The following PKIB variants were observed in gnomAD, a reference collection of about 807,000 sequenced individuals.
PKIB encodes the protein cAMP-dependent protein kinase inhibitor beta.
PKIB carries 2 observed loss-of-function variants against 4.5 expected under a neutral mutation model. That is an observed-to-expected ratio of 0.44 (90% confidence interval 0.18 to 1.39). PKIB has a LOEUF of 1.39. PKIB is among the 40% of genes most tolerant of loss of function. PKIB has a pLI of 0.27. For synonymous variants in PKIB, 38 were observed against 36.0 expected (o/e 1.06, Z -0.20); for missense variants, 94 against 92.6 (o/e 1.02, Z -0.06).
At chr6:122,483,698 T>C (rs1775688417) in intron 2 of PKIB, 1 of 152,174 alleles carries the variant, frequency 6.6e-6, no homozygotes, top group Non-Finnish European at 1.5e-5. Context: ...AAGGCAAATA[T>C]ATGGGAAACT....
At chr6:122,642,078 A>G (rs896730906) in intron 2 of PKIB, among the ~76,000 whole-genome samples, 5 of 152,210 alleles carry the variant, frequency 3.3e-5, no homozygotes, top group Non-Finnish European at 5.9e-5. Context: ...CCTCCCATTG[A>G]ACTGTACGGA....
At chr6:122,648,771 A>C (rs1281881856) in intron 2 of PKIB, among the ~76,000 whole-genome samples, 1 of 152,240 alleles carries the variant, frequency 6.6e-6, no homozygotes, top group Admixed American at 6.5e-5. Context: ...TCATACAATC[A>C]ACCTGTGACC....
chr6:122,664,413 C>T (rs1418588373), intron 2 of PKIB, among the ~76,000 whole-genome samples: 1 of 152,114 alleles, frequency 6.6e-6, no homozygotes, highest in East Asian at 1.9e-4. Flanking sequence ...ATTAAATTTA[C>T]TTATTTATTT....
intron 3 of PKIB, among the ~76,000 whole-genome samples, chr6:122,706,156 C>T (rs575784665): frequency 1.3e-5 from 2 of 152,216 alleles, no homozygotes; most frequent in Admixed American, 1.3e-4. Flanking sequence ...TGGATTCCTC[C>T]CAAATTTTGA....
chr6:122,497,025 C>T (rs1216877910), intron 2 of PKIB, among the ~76,000 whole-genome samples: 1 of 152,158 alleles, frequency 6.6e-6, no homozygotes, highest in Non-Finnish European at 1.5e-5. Flanking sequence ...TAAAAGCAGA[C>T]CTTTCAGCAG....
chr6:122,529,182 G>A (rs1449976239), intron 2 of PKIB, among the ~76,000 whole-genome samples: 3 of 152,050 alleles, frequency 2.0e-5, no homozygotes, highest in Admixed American at 1.3e-4. Context: ...CTGTAATGAT[G>A]TGCTTTGATT....
intron 3 of PKIB, among the ~76,000 whole-genome samples, chr6:122,593,279 A>C (rs2114727851): frequency 6.6e-6 from 1 of 152,332 alleles, no homozygotes; most frequent in East Asian, 1.9e-4. Flanking sequence ...ATCCAGGGGC[A>C]GCGGTAGAAA....
chr6:122,549,974 G>A (rs1772626930), intron 2 of PKIB, among the ~76,000 whole-genome samples: 1 of 151,408 alleles, frequency 6.6e-6, no homozygotes, highest in Non-Finnish European at 1.5e-5. Context: ...GAATGCAGTG[G>A]CACCATCTCA....
At chr6:122,679,038 A>T (rs902067289) in intron 3 of PKIB, among the ~76,000 whole-genome samples, 3 of 152,164 alleles carry the variant, frequency 2.0e-5, no homozygotes, top group African/African-American at 4.8e-5. Flanking sequence ...ATCCAGTCAG[A>T]CTTCTGTGGC....
rs374256545 is a variant in PKIB at position 122,530,342 on chromosome 6, T to C, written c.-248+52403T>C. On this transcript the variant is annotated intron_variant, in intron 2 of 6. Coordinates refer to the PKIB transcript ENST00000392491. ...GTCACAGATTGTTTTTGGTTTTGTT[T>C]AGTCATTTATCTGTATTCTCTTTTA... 1.6e-4 allele frequency among the ~76,000 whole-genome samples: 25 copies of C among 152,310 alleles called. No homozygotes were observed. The East Asian group carries it at 3.5e-3, about 21-fold the overall frequency.
chr6:122,472,332 CTG>C (rs1157091976), intron 1 of PKIB, among the ~76,000 whole-genome samples: 1 of 152,224 alleles, frequency 6.6e-6, no homozygotes, highest in Non-Finnish European at 1.5e-5. Context: ...TTCAGTTTCT[CTG>C]TATCATTTCT....
intron 1 of PKIB, among the ~76,000 whole-genome samples, chr6:122,612,623 G>T (rs1035090363): frequency 3.3e-5 from 5 of 152,138 alleles, no homozygotes; most frequent in Admixed American, 2.0e-4. Context: ...GCATGTATCA[G>T]TATTTCATTT....
At chr6:122,509,271 T>C (rs1434134083) in intron 2 of PKIB, among the ~76,000 whole-genome samples, 2 of 152,150 alleles carry the variant, frequency 1.3e-5, no homozygotes. Flanking sequence ...TTTAGGATAA[T>C]GATTATTAAT....
At chr6:122,589,886 T>C (rs1482095462) in intron 3 of PKIB, among the ~76,000 whole-genome samples, 7 of 152,180 alleles carry the variant, frequency 4.6e-5, no homozygotes, top group Admixed American at 1.3e-4. Flanking sequence ...CAAGTTCAAA[T>C]AAGTGATCCT....
intron 1 of PKIB, among the ~76,000 whole-genome samples, chr6:122,617,300 T>C (rs1775031526): frequency 6.6e-6 from 1 of 152,216 alleles, no homozygotes; most frequent in Non-Finnish European, 1.5e-5. Flanking sequence ...TTTTTATTTA[T>C]TTCCCTCAGG....
intron 2 of PKIB, among the ~76,000 whole-genome samples, chr6:122,511,370 G>T (rs757627288): frequency 6.6e-6 from 1 of 152,156 alleles, no homozygotes; most frequent in African/African-American, 2.4e-5. Flanking sequence ...TCAAATATGT[G>T]GTGTACTTAC....
intron 3 of PKIB, among the ~76,000 whole-genome samples, chr6:122,599,749 T>G (rs1300815950): frequency 6.6e-6 from 1 of 152,176 alleles, no homozygotes; most frequent in Non-Finnish European, 1.5e-5. Flanking sequence ...GGATTTATTT[T>G]GTATAACTCT....
intron 2 of PKIB, among the ~76,000 whole-genome samples, chr6:122,507,812 G>C (rs1485381688): frequency 2.0e-5 from 3 of 150,540 alleles, no homozygotes; most frequent in African/African-American, 7.4e-5. Flanking sequence ...TTAGGTCTTT[G>C]TTTTTGAGTT....
chr6:122,591,518 C>T (rs183925019), intron 3 of PKIB, among the ~76,000 whole-genome samples: 186 of 152,090 alleles, frequency 1.2e-3, no homozygotes, highest in African/African-American at 4.4e-3. Flanking sequence ...TTTCTCTTAT[C>T]GTTTTCATTC....
Sources: allele counts gnomAD v4.1 joint callset (sites outside exome capture counted in the v4.1 genomes callset), GRCh38; gene constraint gnomAD v4.1.1; transcripts MANE v1.5; gene names NCBI Gene and HGNC (gene_info 2026-07-23, HGNC 2026-07-21).